The following REDIC1 variants were observed in gnomAD, a reference collection of about 807,000 sequenced individuals.
The protein encoded by REDIC1 is regulator of DNA class I crossover intermediates 1, also known as HEI10 Interacting Protein 1.
At chr12:39,721,286 A>C in the REDIC1 span, 1 of 1,545,852 alleles carries the variant, frequency 6.5e-7, no homozygotes, top group South Asian at 1.2e-5. Flanking sequence ...GTAGAATTTC[A>C]CTTGCCCTTA....
chr12:39,896,474 GTA>G, the REDIC1 span, among the ~76,000 whole-genome samples: 69 of 144,058 alleles, frequency 4.8e-4, no homozygotes, highest in African/African-American at 1.1e-3. Flanking sequence ...ATACATATAT[GTA>G]TATGTGTATA....
chr12:39,711,549 GCATACACATGCATGTGTA>G, the REDIC1 span, among the ~76,000 whole-genome samples: 25 of 61,582 alleles, frequency 4.1e-4, no homozygotes, highest in African/African-American at 1.1e-3. Flanking sequence ...ATATGTATGT[GCATACACATGCATGTGTA>G]TATGTGCATA....
At chr12:39,721,460 T>C in the REDIC1 span, 11 of 495,364 alleles carry the variant, frequency 2.2e-5, no homozygotes, top group Admixed American at 1.9e-4. Context: ...ATTTCCTTAA[T>C]AGCTTTGGTA....
the REDIC1 span, among the ~76,000 whole-genome samples, chr12:39,752,848 C>T: frequency 6.7e-6 from 1 of 149,890 alleles, no homozygotes; most frequent in Non-Finnish European, 1.5e-5. Context: ...AAGAACATGT[C>T]AGATTCCTTT....
the REDIC1 span, among the ~76,000 whole-genome samples, chr12:39,738,679 A>G: frequency 1.3e-5 from 2 of 152,188 alleles, no homozygotes; most frequent in Non-Finnish European, 2.9e-5. Context: ...TTTGATAGTC[A>G]ATTCTCATTT....
the REDIC1 span, among the ~76,000 whole-genome samples, chr12:39,631,814 T>C: frequency 6.6e-6 from 1 of 152,156 alleles, no homozygotes; most frequent in Non-Finnish European, 1.5e-5. Context: ...ATTTTAAACA[T>C]TGCAGGCAAT....
chr12:39,764,346 A>C, the REDIC1 span: 2 of 961,864 alleles, frequency 2.1e-6, no homozygotes, highest in African/African-American at 3.3e-5. Context: ...ACATGGAGAT[A>C]CTTATAACAG....
chr12:39,690,954 T>A, the REDIC1 span, among the ~76,000 whole-genome samples: 6 of 152,068 alleles, frequency 3.9e-5, no homozygotes, highest in African/African-American at 1.4e-4. Flanking sequence ...TTCTTGAAAG[T>A]TTTGTGTTCT....
chr12:39,646,440 G>T, the REDIC1 span: 11 of 1,550,962 alleles, frequency 7.1e-6, no homozygotes, highest in East Asian at 2.8e-4. Flanking sequence ...TCTAAACTCT[G>T]CCTTGATGAT....
At chr12:39,684,790 T>C in the REDIC1 span, 2 of 1,060,798 alleles carry the variant, frequency 1.9e-6, no homozygotes, top group Non-Finnish European at 2.8e-6. Context: ...GAAGCCAAGT[T>C]TGGGAACTCT....
chr12:39,765,669 A>G, the REDIC1 span, among the ~76,000 whole-genome samples: 1 of 151,788 alleles, frequency 6.6e-6, no homozygotes, highest in South Asian at 2.1e-4. Flanking sequence ...TGCTCAGTCT[A>G]CCTCCTCTCA....
At chr12:39,637,120 T>C in the REDIC1 span, among the ~76,000 whole-genome samples, 1 of 151,836 alleles carries the variant, frequency 6.6e-6, no homozygotes, top group Non-Finnish European at 1.5e-5. Context: ...CTTTAACCCC[T>C]TTATACTTTT....
the REDIC1 span, among the ~76,000 whole-genome samples, chr12:39,870,680 T>C: frequency 6.6e-6 from 1 of 152,158 alleles, no homozygotes; most frequent in African/African-American, 2.4e-5. Context: ...CTGTTGGCAA[T>C]CATGTTTGCC....
the REDIC1 span, among the ~76,000 whole-genome samples, chr12:39,725,362 A>G: frequency 1.3e-5 from 2 of 152,168 alleles, no homozygotes; most frequent in Non-Finnish European, 2.9e-5. Flanking sequence ...TTTATATTGT[A>G]TATAGATAAG....
the REDIC1 span, among the ~76,000 whole-genome samples, chr12:39,823,902 T>C: frequency 2.6e-5 from 4 of 152,242 alleles, no homozygotes; most frequent in Non-Finnish European, 4.4e-5. Flanking sequence ...TTTGTGTTAA[T>C]GTAAATTGCA....
the REDIC1 span, chr12:39,760,137 C>T: frequency 6.2e-7 from 1 of 1,613,010 alleles, no homozygotes; most frequent in South Asian, 1.1e-5. Context: ...ATGTACATAG[C>T]CTGTTGTCAA....
the REDIC1 span, among the ~76,000 whole-genome samples, chr12:39,731,687 G>T: frequency 2.0e-5 from 3 of 152,144 alleles, no homozygotes; most frequent in African/African-American, 7.2e-5. Flanking sequence ...CTGTGCTGGG[G>T]GATTTGTTGC....
At chr12:39,871,988 C>G in the REDIC1 span, 1 of 1,506,070 alleles carries the variant, frequency 6.6e-7, no homozygotes, top group South Asian at 1.4e-5. Flanking sequence ...AAAACAATTG[C>G]TATTGATAGT....
At chr12:39,674,958 A>G in the REDIC1 span, among the ~76,000 whole-genome samples, 28 of 152,306 alleles carry the variant, frequency 1.8e-4, no homozygotes, top group South Asian at 5.8e-3. Flanking sequence ...TGCAGCCAAC[A>G]GTGTGGGTAG....
Sources: gnomAD v4.1 joint callset for allele counts (sites outside exome capture counted in the v4.1 genomes callset) on GRCh38, gnomAD v4.1.1 for gene constraint, MANE v1.5 for transcripts, NCBI Gene and HGNC (gene_info 2026-07-23, HGNC 2026-07-21) for gene names.